HDAC9: variants seen among roughly 807,000 people sequenced by gnomAD.
HDAC9 encodes MEF-2 interacting transcription repressor (MITR) protein.
Under a neutral mutation model 139.4 loss-of-function variants are expected in HDAC9, and 41 were observed. The observed-to-expected ratio is 0.29, with a 90% CI of 0.23 to 0.38. The LOEUF (loss-of-function observed/expected upper bound fraction) is 0.38, where lower values mean the gene tolerates loss of function less well. Among genes scored for constraint, HDAC9 ranks in the 10% least tolerant of loss-of-function variants. HDAC9 has a pLI of 1.00. For synonymous variants in HDAC9, 517 were observed against 476.2 expected (o/e 1.09, Z -1.12); for missense variants, 1,147 against 1,297.0 (o/e 0.88, Z 1.78).
rs567771019 is a variant in HDAC9 at position 18,934,158 on chromosome 7, A to G, written c.2804-1651A>G. On this transcript the variant is annotated intron_variant, in intron 22 of 25. Transcript: ENST00000686413. ...CTGTAAAAATATAACTTAGGACGATATAGAAAGCAGGTGTAGTGATATAAT... is the reference window on the plus strand; with the variant it reads ...CTGTAAAAATATAACTTAGGACGATGTAGAAAGCAGGTGTAGTGATATAAT... Among the ~76,000 whole-genome samples the G allele has an allele frequency of 3.3e-5, 5 of 152,294 alleles. No homozygotes were observed. The South Asian group carries it at 1.0e-3, about 32-fold the overall frequency.
chr7:18,910,349 G>T (rs1279180343), intron 22 of HDAC9, among the ~76,000 whole-genome samples: 2 of 151,818 alleles, frequency 1.3e-5, no homozygotes, highest in African/African-American at 4.8e-5. Context: ...TCTTTTTCAG[G>T]TAGCTCACTA....
Position 18,835,506 on chromosome 7 carries a change from G to A in HDAC9, c.2506G>A (p.Ala836Thr), listed in dbSNP as rs1255280247. Residue 836 changes from alanine to threonine, a missense_variant, in exon 20 of 26, where the codon GCT (alanine) becomes ACT (threonine). Ala to Thr is a moderately conservative substitution (Grantham distance 58). Transcript: ENST00000686413. ...HGNGTQQAFYADPSILYISLH... is the reference protein window; with the variant it reads ...HGNGTQQAFYTDPSILYISLH... ...AAACGGTACCCAGCAGGCCTTTTATGCTGACCCCAGCATCCTGTACATTTC... is the reference window on the plus strand; with the variant it reads ...AAACGGTACCCAGCAGGCCTTTTATACTGACCCCAGCATCCTGTACATTTC... 1.9e-6 allele frequency: 3 copies of A among 1,613,668 alleles called. No homozygotes were observed. Among genetic ancestry groups the A allele is most frequent in the South Asian group, 2.2e-5 (2 of 91,078 alleles).
chr7:18,806,034 A>G (rs1793676671), intron 17 of HDAC9, among the ~76,000 whole-genome samples: 1 of 152,204 alleles, frequency 6.6e-6, no homozygotes, highest in African/African-American at 2.4e-5. Context: ...AAAATGTGAC[A>G]TTAAGGTTTT....
intron 12 of HDAC9, among the ~76,000 whole-genome samples, chr7:18,670,304 T>C (rs1795592327): frequency 1.3e-5 from 2 of 151,998 alleles, no homozygotes; most frequent in Admixed American, 1.3e-4. Flanking sequence ...ATCAAAGAAT[T>C]TGAGCAAACA....
chr7:18,373,920 AT>A (rs1784780724), intron 1 of HDAC9, among the ~76,000 whole-genome samples: 1 of 152,078 alleles, frequency 6.6e-6, no homozygotes, highest in Admixed American at 6.5e-5. Context: ...GCACTCTATA[AT>A]TAGATATTTA....
intron 17 of HDAC9, among the ~76,000 whole-genome samples, chr7:18,806,217 T>C (rs899881371): frequency 6.6e-6 from 1 of 152,216 alleles, no homozygotes; most frequent in Non-Finnish European, 1.5e-5. Context: ...ATTATTAACT[T>C]TCTATTGCTG....
Position 18,617,366 on chromosome 7 carries a change from C to T in HDAC9, c.665-11984C>T, listed in dbSNP as rs1021703766. 6.6e-5 allele frequency among the ~76,000 whole-genome samples: 10 copies of T among 152,264 alleles called. No homozygotes were observed. The East Asian group carries it at 1.4e-3, about 21-fold the overall frequency. On this transcript the variant is annotated intron_variant, in intron 6 of 25. Coordinates refer to ENST00000686413, the MANE Select transcript of HDAC9 (RefSeq NM_178425.4). ...TCTCTCAACTCTCCCCAGTCCACTA[C>T]CTCATACCCCTTTGCCCTAGCAGTA...
At chr7:18,697,874 AG>A (rs1783169472) in intron 12 of HDAC9, among the ~76,000 whole-genome samples, 1 of 151,952 alleles carries the variant, frequency 6.6e-6, no homozygotes, top group Non-Finnish European at 1.5e-5. Context: ...GTTGAATTTT[AG>A]GGAGGCATGA....
At chr7:18,261,344 T>C (rs934931520) in intron 2 of HDAC9, among the ~76,000 whole-genome samples, 1 of 152,150 alleles carries the variant, frequency 6.6e-6, no homozygotes, top group Non-Finnish European at 1.5e-5. Flanking sequence ...ACATAGTTGT[T>C]TCTGACTTAG....
At chr7:18,655,372 C>T (rs1790769642) in intron 11 of HDAC9, among the ~76,000 whole-genome samples, 1 of 152,086 alleles carries the variant, frequency 6.6e-6, no homozygotes, top group South Asian at 2.1e-4. Flanking sequence ...GATTATTTAT[C>T]TATCTATAGA....
At chr7:18,859,810 TCA>T (rs1491364308) in intron 21 of HDAC9, among the ~76,000 whole-genome samples, 2 of 63,854 alleles carry the variant, frequency 3.1e-5, no homozygotes, top group Non-Finnish European at 6.1e-5. Flanking sequence ...GCTAACGCTC[TCA>T]TATATATATA....
chr7:18,401,200 A>G (rs896040491), intron 1 of HDAC9, among the ~76,000 whole-genome samples: 1 of 152,186 alleles, frequency 6.6e-6, no homozygotes, highest in Non-Finnish European at 1.5e-5. Context: ...TATAATTGTG[A>G]TATTACAGCT....
At chr7:18,275,894 T>A (rs1297031173) in intron 2 of HDAC9, among the ~76,000 whole-genome samples, 3 of 152,202 alleles carry the variant, frequency 2.0e-5, no homozygotes, top group Non-Finnish European at 4.4e-5. Flanking sequence ...CTTTATTGTC[T>A]GCTTCCCATG....
intron 21 of HDAC9, among the ~76,000 whole-genome samples, chr7:18,872,004 A>G (rs766064426): frequency 1.6e-4 from 24 of 152,166 alleles, no homozygotes; most frequent in Non-Finnish European, 2.8e-4. Context: ...GAACCTTACC[A>G]ATGTCACCCT....
intron 21 of HDAC9, among the ~76,000 whole-genome samples, chr7:18,874,252 T>C (rs1799151978): frequency 6.6e-6 from 1 of 150,526 alleles, no homozygotes; most frequent in Admixed American, 6.6e-5. Context: ...TTTTTTTCCA[T>C]TTGGAGGAAA....
intron 1 of HDAC9, among the ~76,000 whole-genome samples, chr7:18,370,675 C>G (rs955875851): frequency 6.6e-6 from 1 of 152,106 alleles, no homozygotes; most frequent in Non-Finnish European, 1.5e-5. Flanking sequence ...TTTATCTAGC[C>G]CTTGCTAGCA....
intron 2 of HDAC9, among the ~76,000 whole-genome samples, chr7:18,538,163 C>T (rs536983473): frequency 1.3e-5 from 2 of 152,294 alleles, no homozygotes; most frequent in Admixed American, 1.3e-4. Context: ...TCTGGTCATG[C>T]ATTAACTTAC....
chr7:18,857,047 A>G (rs1797734282), intron 21 of HDAC9, among the ~76,000 whole-genome samples: 1 of 151,562 alleles, frequency 6.6e-6, no homozygotes, highest in Non-Finnish European at 1.5e-5. Flanking sequence ...CCAGCTTTCA[A>G]CTCTTCACTC....
chr7:18,143,716 G>T (rs1005051607), intron 1 of HDAC9, among the ~76,000 whole-genome samples: 2 of 151,340 alleles, frequency 1.3e-5, no homozygotes, highest in Non-Finnish European at 2.9e-5. Context: ...AACTCAGGAG[G>T]CAGGAGGCGG....
Sources: allele counts gnomAD v4.1 joint callset (sites outside exome capture counted in the v4.1 genomes callset), GRCh38; gene constraint gnomAD v4.1.1; transcripts MANE v1.5; gene names NCBI Gene and HGNC (gene_info 2026-07-23, HGNC 2026-07-21).